Variants in SAMD12 observed in about 807,000 individuals in gnomAD.
The protein encoded by SAMD12 is sterile alpha motif domain-containing protein 12.
SAMD12 carries 9 observed loss-of-function variants against 15.0 expected under a neutral mutation model. That is an observed-to-expected ratio of 0.60 (90% CI 0.36 to 1.05). The LOEUF (loss-of-function observed/expected upper bound fraction) is 1.05. SAMD12 is among the 50% of genes least tolerant of loss of function. The probability of loss-of-function intolerance (pLI) is 0.01; values close to 1 mark genes in which losing one functional copy is unlikely to be tolerated. For synonymous variants in SAMD12, 86 were observed against 90.1 expected (o/e 0.96, Z 0.25); for missense variants, 230 against 234.2 (o/e 0.98, Z 0.12).
At chr8:118,585,769 C>T (rs1827423550) in intron 1 of SAMD12, among the ~76,000 whole-genome samples, 1 of 152,194 alleles carries the variant, frequency 6.6e-6, no homozygotes, top group African/African-American at 2.4e-5. Context: ...TGAGCCTGGG[C>T]TCTCCAAGGC....
chr8:118,324,525 C>G (rs1816469371), intron 4 of SAMD12, among the ~76,000 whole-genome samples: 1 of 152,078 alleles, frequency 6.6e-6, no homozygotes, highest in Non-Finnish European at 1.5e-5. Flanking sequence ...ACATCTCAAA[C>G]AGAAGGTGAA....
Position 118,378,814 on chromosome 8 carries a change from T to C in SAMD12, c.*603A>G. ...AGTTACATATAGTGTAACTTAAGGC[T>C]TTCTTCGAATTCTAGCTTTATTTTG... On this transcript the variant is annotated 3_prime_UTR_variant, in exon 4 of 4. Coordinates refer to ENST00000314727, the MANE Select transcript of SAMD12 (RefSeq NM_207506.3). 1 of 985,526 alleles carries C rather than the reference T, an allele frequency of 1.0e-6. No homozygotes were observed. Among genetic ancestry groups the C allele is most frequent in the Non-Finnish European group, 1.2e-6 (1 of 829,978 alleles). 61.0% of individuals were successfully genotyped at this position (985,526 alleles called of 1,614,324 possible). A position where few individuals can be genotyped will look rare whatever the true frequency, so the allele number is the denominator to read the frequency against.
At chr8:118,167,018 C>T in the SAMD12 span, among the ~76,000 whole-genome samples, 4 of 152,104 alleles carry the variant, frequency 2.6e-5, no homozygotes, top group African/African-American at 7.2e-5. Flanking sequence ...GTTAATCATG[C>T]CCCTTAGGTG....
At chr8:118,547,475 A>G (rs371327065) in intron 2 of SAMD12, among the ~76,000 whole-genome samples, 52 of 152,314 alleles carry the variant, frequency 3.4e-4, no homozygotes, top group African/African-American at 1.2e-3. Flanking sequence ...TTGCCCCACT[A>G]GACTAACTGA....
the SAMD12 span, among the ~76,000 whole-genome samples, chr8:118,172,923 G>T: frequency 6.6e-5 from 10 of 152,048 alleles, no homozygotes; most frequent in African/African-American, 2.4e-4. Flanking sequence ...TCCAGCCCCT[G>T]GTAACCAGAA....
chr8:118,574,134 G>A (rs1411098426), intron 2 of SAMD12, among the ~76,000 whole-genome samples: 3 of 152,176 alleles, frequency 2.0e-5, no homozygotes, highest in Non-Finnish European at 2.9e-5. Flanking sequence ...GCTGAACAAT[G>A]ATCAAGGGGA....
At chr8:118,544,425 G>A (rs1470101611) in intron 2 of SAMD12, among the ~76,000 whole-genome samples, 2 of 152,072 alleles carry the variant, frequency 1.3e-5, no homozygotes, top group East Asian at 3.9e-4. Flanking sequence ...GGTTTCAGAG[G>A]TAAGAGTCAC....
intron 4 of SAMD12, among the ~76,000 whole-genome samples, chr8:118,244,400 C>A (rs1461770568): frequency 2.0e-5 from 3 of 152,128 alleles, no homozygotes. Flanking sequence ...TGCCAGATCT[C>A]TTTTCCCCTG....
chr8:118,559,015 A>G (rs1371489778), intron 2 of SAMD12, among the ~76,000 whole-genome samples: 3 of 152,126 alleles, frequency 2.0e-5, no homozygotes, highest in Non-Finnish European at 4.4e-5. Context: ...GTCCCAATTC[A>G]GGGGGAGAAA....
chr8:118,378,700 A>G lies in SAMD12; in HGVS notation c.*717T>C. 1.0e-6 allele frequency: 1 copy of G among 984,900 alleles called. No homozygotes were observed. The highest frequency in any genetic ancestry group is 1.2e-6 in the Non-Finnish European group (1 of 829,440). The allele number at this position is 984,900 out of a possible 1,614,324, so 61.0% of individuals were successfully genotyped here. Reference sequence around the variant, plus strand: ...CACATATTTTATCATCCTTTCATTTAAAACGATGTACAATGGACGCTAAAA... The same window carrying G: ...CACATATTTTATCATCCTTTCATTTGAAACGATGTACAATGGACGCTAAAA... On this transcript the variant is annotated 3_prime_UTR_variant, in exon 4 of 4. Coordinates refer to ENST00000314727, the MANE Select transcript of SAMD12 (RefSeq NM_207506.3).
intron 4 of SAMD12, among the ~76,000 whole-genome samples, chr8:118,242,014 G>A (rs759671107): frequency 6.6e-6 from 1 of 152,124 alleles, no homozygotes; most frequent in Non-Finnish European, 1.5e-5. Context: ...CTGGGCTCAG[G>A]TTATCCTCCC....
chr8:118,344,216 G>A (rs1817514636), intron 4 of SAMD12, among the ~76,000 whole-genome samples: 1 of 152,166 alleles, frequency 6.6e-6, no homozygotes, highest in Non-Finnish European at 1.5e-5. Context: ...ATCCTGCTCA[G>A]GTTGAACTAA....
intron 2 of SAMD12, among the ~76,000 whole-genome samples, chr8:118,533,756 T>C (rs1161454654): frequency 6.6e-6 from 1 of 152,030 alleles, no homozygotes; most frequent in East Asian, 1.9e-4. Context: ...GAGACTAGAA[T>C]TGCAACCCTT....
At chr8:118,387,295 C>G (rs1179057644) in intron 3 of SAMD12, among the ~76,000 whole-genome samples, 1 of 152,198 alleles carries the variant, frequency 6.6e-6, no homozygotes, top group African/African-American at 2.4e-5. Flanking sequence ...GTTTACTCAT[C>G]TCTTCAATGG....
At chr8:118,155,565 T>C in the SAMD12 span, among the ~76,000 whole-genome samples, 1 of 152,210 alleles carries the variant, frequency 6.6e-6, no homozygotes, top group Non-Finnish European at 1.5e-5. Context: ...TGCCCACTGA[T>C]GTAACCTGGA....
At chr8:118,196,150 G>A (rs531023928) in exon 5 of SAMD12, 7 of 152,300 alleles carry the variant, frequency 4.6e-5, no homozygotes, top group African/African-American at 1.7e-4. Flanking sequence ...TCTCAGGCGT[G>A]GGTGGTTTCC....
chr8:118,580,602 C>G, intron 2 of SAMD12, 113 bp downstream of exon 2: 1 of 710,648 alleles, frequency 1.4e-6, no homozygotes, highest in Middle Eastern at 4.1e-4. Context: ...CTCATTTGAC[C>G]ACAGATACAA....
intron 2 of SAMD12, among the ~76,000 whole-genome samples, chr8:118,479,778 T>C (rs1824072258): frequency 6.6e-6 from 1 of 151,792 alleles, no homozygotes; most frequent in Non-Finnish European, 1.5e-5. Flanking sequence ...GATACTCTTT[T>C]TTTTTTTTTA....
chr8:118,151,752 C>T, the SAMD12 span, among the ~76,000 whole-genome samples: 1 of 151,672 alleles, frequency 6.6e-6, no homozygotes, highest in South Asian at 2.1e-4. Flanking sequence ...ATGGCATGAA[C>T]CCGGGAAGCA....
Sources: allele counts gnomAD v4.1 joint callset (sites outside exome capture counted in the v4.1 genomes callset), GRCh38; gene constraint gnomAD v4.1.1; transcripts MANE v1.5; gene names NCBI Gene and HGNC (gene_info 2026-07-23, HGNC 2026-07-21).